CLIC4: variants seen among roughly 807,000 people sequenced by gnomAD.
CLIC4 encodes the protein chloride intracellular channel protein 4.
Under a neutral mutation model 24.6 loss-of-function variants are expected in CLIC4, and 13 were observed. That is an observed-to-expected ratio of 0.53 (90% CI 0.34 to 0.84). The LOEUF is 0.84. CLIC4 is among the 40% of genes least tolerant of loss of function. CLIC4 has a pLI of 0.01. For synonymous variants in CLIC4, 104 were observed against 111.3 expected, an observed-to-expected ratio of 0.93 and a Z score of 0.41; for missense variants, 227 against 301.7, an observed-to-expected ratio of 0.75 and a Z score of 1.83.
Position 24,827,195 on chromosome 1 carries a change from A to G in CLIC4, c.415+79A>G, listed in dbSNP as rs1197846922. Reference sequence around the variant, plus strand: ...AGGCTGTTATTATGACAGTGATTATAAATGAGTACTTTAGAGTCCAGCCAT... The same window carrying G: ...AGGCTGTTATTATGACAGTGATTATGAATGAGTACTTTAGAGTCCAGCCAT... On this transcript the variant is annotated intron_variant, in intron 4 of 5. Transcript: ENST00000374379. 2.1e-5 allele frequency: 19 copies of G among 900,782 alleles called. 1 individual carries two copies. In the East Asian group the frequency reaches 4.7e-4, roughly 22 times the overall value. The allele number at this position is 900,782 out of a possible 1,614,324, so 55.8% of individuals were successfully genotyped here. A position where few individuals can be genotyped will look rare whatever the true frequency, so the allele number is the denominator to read the frequency against.
chr1:24,783,133 C>T (rs1329044252), intron 1 of CLIC4, among the ~76,000 whole-genome samples: 7 of 152,188 alleles, frequency 4.6e-5, no homozygotes, highest in African/African-American at 1.2e-4. Flanking sequence ...CCAAATACTT[C>T]AGTGTGGATT....
intron 3 of CLIC4, among the ~76,000 whole-genome samples, chr1:24,814,749 G>A (rs1271593120): frequency 2.0e-5 from 3 of 152,226 alleles, no homozygotes; most frequent in Non-Finnish European, 2.9e-5. Context: ...GGTCCTGGAT[G>A]TACTGTAATG....
At chr1:24,782,477 G>A (rs568066389) in intron 1 of CLIC4, among the ~76,000 whole-genome samples, 40 of 151,760 alleles carry the variant, frequency 2.6e-4, no homozygotes, top group African/African-American at 9.2e-4. Context: ...CTGGTGTTTC[G>A]TATAGGTCCT....
chr1:24,793,028 G>C (rs148295137), intron 1 of CLIC4: 1 of 152,022 alleles, frequency 6.6e-6, no homozygotes, highest in East Asian at 1.9e-4. Flanking sequence ...ATTATGTCTC[G>C]TTTACCAACT....
At chr1:24,821,844 C>T (rs778925216) in intron 3 of CLIC4, among the ~76,000 whole-genome samples, 14 of 152,160 alleles carry the variant, frequency 9.2e-5, no homozygotes, top group Non-Finnish European at 1.8e-4. Context: ...CCTCAGCCTC[C>T]CAAAGTGCTG....
chr1:24,758,792 ATTAT>A (rs1166168873), intron 1 of CLIC4, among the ~76,000 whole-genome samples: 1 of 151,736 alleles, frequency 6.6e-6, no homozygotes, highest in African/African-American at 2.4e-5. Context: ...TGCATGAATT[ATTAT>A]TTATTTATTT....
At chr1:24,813,478 GTA>G (rs1217699088) in intron 2 of CLIC4, among the ~76,000 whole-genome samples, 2 of 151,754 alleles carry the variant, frequency 1.3e-5, no homozygotes, top group Admixed American at 1.3e-4. Flanking sequence ...GAGTGCAGTG[GTA>G]CATTCTCAGC....
At chr1:24,774,032 G>T (rs1639102694) in intron 1 of CLIC4, among the ~76,000 whole-genome samples, 1 of 152,132 alleles carries the variant, frequency 6.6e-6, no homozygotes, top group Non-Finnish European at 1.5e-5. Context: ...GAGTGCAGTG[G>T]TGCGATCTTG....
intron 3 of CLIC4, among the ~76,000 whole-genome samples, chr1:24,825,322 A>G (rs1018874913): frequency 4.6e-5 from 7 of 152,196 alleles, no homozygotes; most frequent in Admixed American, 2.0e-4. Flanking sequence ...TGAGTCAATG[A>G]TGGTCCTGTA....
intron 3 of CLIC4, among the ~76,000 whole-genome samples, chr1:24,815,344 C>T (rs1403882686): frequency 1.3e-5 from 2 of 151,838 alleles, no homozygotes; most frequent in African/African-American, 2.4e-5. Context: ...CTAAAAAATA[C>T]AAAAAAAATT....
chr1:24,841,842 T>C lies in CLIC4; in HGVS notation c.*905T>C, dbSNP rs923391579. On this transcript the variant is annotated 3_prime_UTR_variant, in exon 6 of 6. Transcript: ENST00000374379. ...TGTTGAGCAACACTACATAACTGATTTTTAGTTGACTTAGCTATAGCAGTA... is the reference window on the plus strand; with the variant it reads ...TGTTGAGCAACACTACATAACTGATCTTTAGTTGACTTAGCTATAGCAGTA... 4 of 152,594 alleles carry C rather than the reference T, an allele frequency of 2.6e-5. No individual in the cohort carries two copies. Among genetic ancestry groups the C allele is most frequent in the Admixed American group, 6.5e-5 (1 of 15,276 alleles). 9.5% of individuals were successfully genotyped at this position (152,594 alleles called of 1,614,324 possible). A position where few individuals can be genotyped will look rare whatever the true frequency, so the allele number is the denominator to read the frequency against.
At chr1:24,791,931 C>T (rs2124125068) in intron 1 of CLIC4, among the ~76,000 whole-genome samples, 1 of 151,230 alleles carries the variant, frequency 6.6e-6, no homozygotes, top group South Asian at 2.1e-4. Context: ...CGCCTGTACT[C>T]CCAGCTGCTC....
At chr1:24,826,744 C>T (rs1374173256) in intron 3 of CLIC4, among the ~76,000 whole-genome samples, 2 of 152,182 alleles carry the variant, frequency 1.3e-5, no homozygotes, top group Admixed American at 1.3e-4. Context: ...CAACTGTTTC[C>T]CCAGCATTCT....
chr1:24,800,590 C>A (rs985516873), intron 2 of CLIC4, among the ~76,000 whole-genome samples: 19 of 152,136 alleles, frequency 1.2e-4, no homozygotes, highest in African/African-American at 4.6e-4. Flanking sequence ...TGAGAATGGG[C>A]CAGGATGACA....
intron 1 of CLIC4, among the ~76,000 whole-genome samples, chr1:24,758,520 C>A (rs975813238): frequency 1.3e-5 from 2 of 151,764 alleles, no homozygotes; most frequent in Admixed American, 1.3e-4. Flanking sequence ...TGCACTGGTG[C>A]GATCTCGGCT....
rs879857361 is a variant in CLIC4 at position 24,830,454 on chromosome 1, G to GTT, written c.415+3349_415+3350dup. On this transcript the variant is annotated intron_variant, in intron 4 of 5. Coordinates refer to ENST00000374379, the MANE Select transcript of CLIC4 (RefSeq NM_013943.3). ...TTGATAGACATCTAGATTGTCTCAAGTTTTTTTTTTTTCTTCACTATAATA... is the reference window on the plus strand; with the variant it reads ...TTGATAGACATCTAGATTGTCTCAAGTTTTTTTTTTTTTTCTTCACTATAATA... Among the ~76,000 whole-genome samples, 37 of 146,380 alleles carry GTT rather than the reference G, an allele frequency of 2.5e-4. 1 individual carries two copies. The East Asian group carries it at 6.7e-3, about 26-fold the overall frequency.
rs71032862 is a variant in CLIC4 at position 24,797,562 on chromosome 1, G to GAAA, written c.73-167_73-165dup. Among the ~76,000 whole-genome samples the GAAA allele has an allele frequency of 1.5e-3, 191 of 124,954 alleles. 5 individuals are homozygous for GAAA. The highest frequency in any genetic ancestry group is 2.0e-3 in the African/African-American group (62 of 31,516). 82.0% of individuals were successfully genotyped at this position (124,954 alleles called of 152,430 possible). A position where few individuals can be genotyped will look rare whatever the true frequency, so the allele number is the denominator to read the frequency against. Reference sequence around the variant, plus strand: ...AGAAGGAGACCCTGTCTCAAAAAAAGAAAAAAAAAAAAAAAGGCTAATGAA... The same window carrying GAAA: ...AGAAGGAGACCCTGTCTCAAAAAAAGAAAAAAAAAAAAAAAAAAGGCTAATGAA... On this transcript the variant is annotated intron_variant, in intron 1 of 5. Coordinates refer to ENST00000374379, the MANE Select transcript of CLIC4 (RefSeq NM_013943.3).
At chr1:24,748,604 A>T (rs1438653176) in intron 1 of CLIC4, among the ~76,000 whole-genome samples, 2 of 140,006 alleles carry the variant, frequency 1.4e-5, no homozygotes, top group East Asian at 4.4e-4. Flanking sequence ...TCTGCCTCCC[A>T]GGTTGAAGTG....
chr1:24,839,740 G>A, intron 4 of CLIC4, 120 bp from the exon 5 acceptor site: 1 of 849,576 alleles, frequency 1.2e-6, no homozygotes. Context: ...TTGTTCTACA[G>A]TACCTTGTTT....
Sources: allele counts gnomAD v4.1 joint callset (sites outside exome capture counted in the v4.1 genomes callset), GRCh38; gene constraint gnomAD v4.1.1; transcripts MANE v1.5; gene names NCBI Gene and HGNC (gene_info 2026-07-23, HGNC 2026-07-21).